PCDH15: variants seen among roughly 807,000 people sequenced by gnomAD.
The protein encoded by PCDH15 is protocadherin-15.
Under a neutral mutation model 178.5 loss-of-function variants are expected in PCDH15, and 129 were observed. The ratio of observed to expected loss-of-function variants is 0.72; its 90% CI spans 0.63 to 0.84. The LOEUF is 0.84. PCDH15 is among the 40% of genes least tolerant of loss of function. The pLI, the probability that PCDH15 is intolerant of heterozygous loss-of-function variation, is 0.00. For synonymous variants in PCDH15, 800 were observed against 732.0 expected (o/e 1.09, Z -1.50); for missense variants, 2,230 against 2,099.9 (o/e 1.06, Z -1.21).
chr10:55,240,888 A>C (rs2132211466), intron 1 of PCDH15, among the ~76,000 whole-genome samples: 1 of 152,330 alleles, frequency 6.6e-6, no homozygotes, highest in South Asian at 2.1e-4. Context: ...TGATTGTTAT[A>C]ATGCACATCT....
chr10:55,423,375 T>C (rs1337476342), intron 2 of PCDH15, among the ~76,000 whole-genome samples: 1 of 151,892 alleles, frequency 6.6e-6, no homozygotes, highest in African/African-American at 2.4e-5. Context: ...TTTTGACACA[T>C]TAATAAAACG....
Position 55,104,704 on chromosome 10 carries a change from T to C in PCDH15, c.-80+61872A>G, listed in dbSNP as rs568759307. Among the ~76,000 whole-genome samples the C allele has an allele frequency of 1.1e-4, 17 of 152,330 alleles. No homozygotes were observed. In the South Asian group the frequency reaches 2.5e-3, roughly 22 times the overall value. ...AAGTAGGTACTACTGTACCTCAATT[T>C]ACAGTACTATCAAGCTATTCAATTT... On this transcript the variant is annotated intron_variant, in intron 2 of 5. Transcript: ENST00000458638.
At chr10:54,674,937 A>T (rs2094754811) in intron 1 of PCDH15, among the ~76,000 whole-genome samples, 1 of 152,068 alleles carries the variant, frequency 6.6e-6, no homozygotes, top group Admixed American at 6.6e-5. Context: ...AATTTGAATA[A>T]GTTGTCTTAC....
Position 54,051,710 on chromosome 10 carries a change from A to C in PCDH15, c.2220+15047T>G, listed in dbSNP as rs185382587. Among the ~76,000 whole-genome samples the C allele has an allele frequency of 2.6e-5, 4 of 152,328 alleles. No homozygotes were observed. In the East Asian group the frequency reaches 7.7e-4, roughly 29 times the overall value. On this transcript the variant is annotated intron_variant, in intron 18 of 37. Coordinates refer to ENST00000644397, the MANE Select transcript of PCDH15 (RefSeq NM_001384140.1). ...ATTCAAGCCTGCTGCAGAAATTTGC[A>C]TAGATAACAAGGAACCAAATGCTAA...
chr10:54,230,490 T>A (rs10218915), intron 9 of PCDH15, among the ~76,000 whole-genome samples: 8,306 of 152,196 alleles, frequency 0.055, 562 homozygotes, highest in African/African-American at 0.17. Flanking sequence ...GAAGAAATGT[T>A]GGGCCCATGA....
At chr10:54,431,280 C>A (rs1369995582) in intron 3 of PCDH15, among the ~76,000 whole-genome samples, 1 of 150,788 alleles carries the variant, frequency 6.6e-6, no homozygotes, top group Non-Finnish European at 1.5e-5. Flanking sequence ...ATCCTGATAT[C>A]AAAATCAGAC....
chr10:55,491,479 C>A (rs1840416501), intron 2 of PCDH15, among the ~76,000 whole-genome samples: 1 of 151,628 alleles, frequency 6.6e-6, no homozygotes, highest in South Asian at 2.1e-4. Context: ...AAAGTCAGAA[C>A]TGCAGGGACT....
chr10:54,714,317 A>C (rs979257617), intron 1 of PCDH15, among the ~76,000 whole-genome samples: 9 of 152,106 alleles, frequency 5.9e-5, no homozygotes, highest in Admixed American at 5.3e-4. Flanking sequence ...CAGTGTAGAG[A>C]TGAGAAGAGA....
At chr10:54,272,190 A>G (rs1387544027) in intron 8 of PCDH15, among the ~76,000 whole-genome samples, 1 of 151,556 alleles carries the variant, frequency 6.6e-6, no homozygotes, top group East Asian at 1.9e-4. Flanking sequence ...AATCATGTCT[A>G]CTGATCCTGA....
chr10:55,282,735 C>T (rs528595024), intron 1 of PCDH15, among the ~76,000 whole-genome samples: 4 of 152,274 alleles, frequency 2.6e-5, no homozygotes, highest in African/African-American at 9.6e-5. Flanking sequence ...TGACAGACAA[C>T]TTGCCCAAAC....
At chr10:55,027,945 T>C (rs1266673480) in intron 2 of PCDH15, among the ~76,000 whole-genome samples, 1 of 151,902 alleles carries the variant, frequency 6.6e-6, no homozygotes, top group Non-Finnish European at 1.5e-5. Context: ...AATAGAATGT[T>C]ACTTTGATAT....
chr10:54,090,172 T>C, intron 15 of PCDH15, 109 bp from the exon 16 acceptor site: 3 of 859,860 alleles, frequency 3.5e-6, no homozygotes, highest in South Asian at 2.8e-5. Context: ...CATGACACTG[T>C]TAAAGAATAA....
At chr10:55,022,686 ACT>A (rs1840360693) in intron 2 of PCDH15, among the ~76,000 whole-genome samples, 1 of 149,792 alleles carries the variant, frequency 6.7e-6, no homozygotes, top group African/African-American at 2.4e-5. Context: ...TATTTGATAA[ACT>A]CTAAAATATG....
At chr10:53,878,215 AATATATATATAT>A (rs140273411) in intron 26 of PCDH15, among the ~76,000 whole-genome samples, 82,205 of 127,272 alleles carry the variant, frequency 0.65, 26,860 homozygotes, top group Middle Eastern at 0.81. Flanking sequence ...ACACACTTTG[AATATATATATAT>A]ATATATATAT....
intron 2 of PCDH15, among the ~76,000 whole-genome samples, chr10:54,961,802 G>A (rs963883623): frequency 2.0e-5 from 3 of 152,164 alleles, no homozygotes; most frequent in South Asian, 4.2e-4. Context: ...CAACCTGCCT[G>A]CAGATAAGAG....
intron 2 of PCDH15, among the ~76,000 whole-genome samples, chr10:55,034,698 T>C: frequency 6.6e-6 from 1 of 152,148 alleles, no homozygotes; most frequent in East Asian, 1.9e-4. Flanking sequence ...TTACATTTAA[T>C]TTCTAGAATG....
At chr10:54,794,916 A>T (rs1236934553) in intron 1 of PCDH15, among the ~76,000 whole-genome samples, 1 of 151,932 alleles carries the variant, frequency 6.6e-6, no homozygotes, top group Non-Finnish European at 1.5e-5. Context: ...AAATTCAAAA[A>T]TTGTTTAAGT....
chr10:55,088,430 G>C (rs1283702485), intron 2 of PCDH15, among the ~76,000 whole-genome samples: 2 of 151,806 alleles, frequency 1.3e-5, no homozygotes, highest in African/African-American at 4.8e-5. Context: ...CACCATGCCA[G>C]GTTAATTTTT....
At chr10:54,965,520 G>T (rs1008473822) in intron 2 of PCDH15, among the ~76,000 whole-genome samples, 5 of 151,474 alleles carry the variant, frequency 3.3e-5, no homozygotes, top group African/African-American at 1.2e-4. Flanking sequence ...CATTAAAACT[G>T]TTTATAAATT....
Sources: allele counts gnomAD v4.1 joint callset (sites outside exome capture counted in the v4.1 genomes callset), GRCh38; gene constraint gnomAD v4.1.1; transcripts MANE v1.5; gene names NCBI Gene and HGNC (gene_info 2026-07-23, HGNC 2026-07-21).